The following TMPRSS15 variants were observed in gnomAD, a reference collection of about 807,000 sequenced individuals.
TMPRSS15 encodes transmembrane serine protease 15.
TMPRSS15 carries 128 observed loss-of-function variants against 125.3 expected under a neutral mutation model. That is an observed-to-expected ratio of 1.02 (90% CI 0.89 to 1.18). The LOEUF is 1.18. TMPRSS15 is among the 50% of genes most tolerant of loss of function. The probability of loss-of-function intolerance (pLI) is 0.00; values close to 1 mark genes in which losing one functional copy is unlikely to be tolerated. For synonymous variants in TMPRSS15, 446 were observed against 423.2 expected, an observed-to-expected ratio of 1.05 and a Z score of -0.66; for missense variants, 1,283 against 1,212.7, an observed-to-expected ratio of 1.06 and a Z score of -0.86.
rs534211640 is a variant in TMPRSS15, at chr21:18,269,776, T to C, written c.*193A>G. The C allele has an allele frequency of 1.1e-3, 610 of 572,958 alleles. 18 individuals are homozygous for C. In the East Asian group the frequency reaches 0.019, roughly 17 times the overall value. 35.5% of individuals were successfully genotyped at this position (572,958 alleles called of 1,614,324 possible). Reference sequence around the variant, plus strand: ...TGTATTTAATGGTATTTTAAAGTTATTCTGTATTGCTATGGTGAATTTTAT... The same window carrying C: ...TGTATTTAATGGTATTTTAAAGTTACTCTGTATTGCTATGGTGAATTTTAT... On this transcript the variant is annotated 3_prime_UTR_variant, in exon 25 of 25. Coordinates refer to ENST00000284885, the MANE Select transcript of TMPRSS15 (RefSeq NM_002772.3).
intron 21 of TMPRSS15, among the ~76,000 whole-genome samples, chr21:18,289,908 C>G (rs535837785): frequency 7.4e-4 from 113 of 152,268 alleles, no homozygotes; most frequent in Non-Finnish European, 1.4e-3. Flanking sequence ...GTCAGTTTAA[C>G]AGGTGCATGC....
chr21:18,440,320 T>C (rs563207899), intron 1 of TMPRSS15, among the ~76,000 whole-genome samples: 1,239 of 121,698 alleles, frequency 0.01, 19 homozygotes, highest in African/African-American at 0.037. Context: ...TTGCAGTGAG[T>C]CGAGATCGCG....
chr21:18,392,539 G>T (rs1982336197), intron 3 of TMPRSS15, among the ~76,000 whole-genome samples: 1 of 152,128 alleles, frequency 6.6e-6, no homozygotes, highest in South Asian at 2.1e-4. Flanking sequence ...AAGTCTCTGA[G>T]AAGACTCCTT....
chr21:18,372,466 T>C, intron 5 of TMPRSS15, 142 bp from the exon 6 acceptor site: 1 of 800,802 alleles, frequency 1.2e-6, no homozygotes, highest in African/African-American at 1.8e-5. Flanking sequence ...CATTTGCAAA[T>C]CAATCATTTG....
At chr21:18,335,272 T>A (rs2075380994) in intron 13 of TMPRSS15, among the ~76,000 whole-genome samples, 1 of 152,220 alleles carries the variant, frequency 6.6e-6, no homozygotes, top group African/African-American at 2.4e-5. Flanking sequence ...TGGCCAATAC[T>A]GGGTTTTTAA....
intron 1 of TMPRSS15, among the ~76,000 whole-genome samples, chr21:18,450,718 G>C (rs2076266454): frequency 6.6e-6 from 1 of 152,162 alleles, no homozygotes; most frequent in Non-Finnish European, 1.5e-5. Context: ...TTAAATGTCA[G>C]TATTCTTCTG....
At chr21:18,477,350 G>A (rs527815910) in intron 1 of TMPRSS15, 1 of 152,086 alleles carries the variant, frequency 6.6e-6, no homozygotes, top group Non-Finnish European at 1.5e-5. Context: ...AATTCTCACC[G>A]AACTCTAGGC....
chr21:18,399,973 T>C (rs1382478278), intron 1 of TMPRSS15, among the ~76,000 whole-genome samples: 1 of 152,042 alleles, frequency 6.6e-6, no homozygotes, highest in Non-Finnish European at 1.5e-5. Flanking sequence ...TTTAATCCCA[T>C]TGTCAATAGC....
chr21:18,333,586 G>C lies in TMPRSS15; in HGVS notation c.1565-1413C>G, dbSNP rs182930565. Among the ~76,000 whole-genome samples, 376 of 151,956 alleles carry C rather than the reference G, an allele frequency of 2.5e-3. 5 individuals carry two copies. The highest frequency in any genetic ancestry group is 0.024 in the South Asian group (116 of 4,808). The stretch of plus-strand genomic sequence containing the variant: ...TATTTTTTGGTAGTCTTAAGGGGAA[G>C]CTTCACTATTCTGCACATGGATAGT... On this transcript the variant is annotated intron_variant, in intron 13 of 24. Transcript: ENST00000284885.
intron 1 of TMPRSS15, among the ~76,000 whole-genome samples, chr21:18,416,858 T>C (rs1330955629): frequency 6.6e-6 from 1 of 152,056 alleles, no homozygotes; most frequent in Non-Finnish European, 1.5e-5. Flanking sequence ...TTTTCTATGC[T>C]CTTTACTTTG....
chr21:18,442,217 T>C (rs1348554713), intron 1 of TMPRSS15, among the ~76,000 whole-genome samples: 2 of 152,236 alleles, frequency 1.3e-5, no homozygotes, highest in Non-Finnish European at 2.9e-5. Context: ...AAAAATATCC[T>C]GTATTTCATC....
In TMPRSS15 at chr21:18,372,314, TG is replaced by T; in HGVS notation, c.542del (p.Ser181Ter). ...TSHLATPGNV[S>X]IECLPGSSPC... ...GACTTGAACCAGGCAGGCACTCTATTGAGACATTTCCTTTAAAAAATAACTG... is the reference window on the plus strand; with the variant it reads ...GACTTGAACCAGGCAGGCACTCTATTAGACATTTCCTTTAAAAAATAACTG... On this transcript the variant is annotated frameshift_variant, in exon 6 of 25. Coordinates refer to ENST00000284885, the MANE Select transcript of TMPRSS15 (RefSeq NM_002772.3). LOFTEE classifies it high-confidence loss of function. 1 of 1,612,920 alleles carries T rather than the reference TG, an allele frequency of 6.2e-7. No individual in the cohort carries two copies. The highest frequency in any genetic ancestry group is 1.1e-5 in the South Asian group (1 of 91,064).
chr21:18,436,093 C>G (rs910832969), intron 1 of TMPRSS15, among the ~76,000 whole-genome samples: 1 of 151,132 alleles, frequency 6.6e-6, no homozygotes, highest in African/African-American at 2.4e-5. Context: ...CTCCTGGATT[C>G]ATTAATTTTT....
chr21:18,464,958 A>C (rs2122911379), intron 1 of TMPRSS15, among the ~76,000 whole-genome samples: 6,900 of 152,258 alleles, frequency 0.045, 538 homozygotes, highest in African/African-American at 0.16. Flanking sequence ...ACACAAGAAA[A>C]GAAGAAAATT....
chr21:18,290,262 A>G (rs1252915783), intron 21 of TMPRSS15, among the ~76,000 whole-genome samples: 1 of 152,224 alleles, frequency 6.6e-6, no homozygotes, highest in Non-Finnish European at 1.5e-5. Flanking sequence ...TGTTCACTGT[A>G]TAGTTTTAGG....
At chr21:18,295,040 C>T (rs2074886348) in intron 19 of TMPRSS15, among the ~76,000 whole-genome samples, 2 of 152,096 alleles carry the variant, frequency 1.3e-5, no homozygotes, top group South Asian at 4.1e-4. Context: ...GTTACTTGAA[C>T]CGACATTGGT....
At chr21:18,474,283 A>G (rs920450473) in intron 1 of TMPRSS15, among the ~76,000 whole-genome samples, 2 of 151,262 alleles carry the variant, frequency 1.3e-5, no homozygotes, top group Non-Finnish European at 1.5e-5. Flanking sequence ...TAAAAAAGAT[A>G]TACATTTTGC....
At chr21:18,404,236 C>T (rs563890686), upstream of TMPRSS15, among the ~76,000 whole-genome samples, 2 of 152,298 alleles carry the variant, frequency 1.3e-5, no homozygotes, top group Non-Finnish European at 2.9e-5. Context: ...TTTGTTATGT[C>T]ACCCAGGTGA....
In TMPRSS15 at chr21:18,386,310, T is replaced by C. The variant is rs79496673; in HGVS notation, c.345-2532A>G. On this transcript the variant is annotated intron_variant, in intron 3 of 24. Transcript: ENST00000284885. ...AAGAAACCTAGGGAATCTGTTTCCC[T>C]AATGTGTTTTTATATAATTCCCATC... Among the ~76,000 whole-genome samples, 561 of 152,270 alleles carry C rather than the reference T, an allele frequency of 3.7e-3. 6 individuals are homozygous for C. Among genetic ancestry groups the C allele is most frequent in the African/African-American group, 0.012 (517 of 41,540 alleles).
Sources: allele counts gnomAD v4.1 joint callset (sites outside exome capture counted in the v4.1 genomes callset), GRCh38; gene constraint gnomAD v4.1.1; transcripts MANE v1.5; gene names NCBI Gene and HGNC (gene_info 2026-07-23, HGNC 2026-07-21).